Variants in MTRF1L observed in about 807,000 individuals in gnomAD.
The protein encoded by MTRF1L is peptide chain release factor 1-like, mitochondrial.
A neutral mutation model predicts 40.0 loss-of-function variants in MTRF1L; 29 were observed. That is an observed-to-expected ratio of 0.73 (90% confidence interval 0.54 to 0.99). MTRF1L has a LOEUF of 0.99. Among genes scored for constraint, MTRF1L ranks in the 50% least tolerant of loss-of-function variants. MTRF1L has a pLI of 0.00. For synonymous variants in MTRF1L, 150 were observed against 175.8 expected (o/e 0.85, Z 1.16); for missense variants, 412 against 464.5 (o/e 0.89, Z 1.04).
At chr6:152,994,460 G>A (rs191229290) in intron 4 of MTRF1L, 53 bp downstream of exon 4, 1 of 1,502,216 alleles carries the variant, frequency 6.7e-7, no homozygotes. Flanking sequence ...TAACTCTGGG[G>A]ACAAGGCACT....
chr6:153,002,554 C>A lies in MTRF1L; in HGVS notation c.132G>T (p.Arg44=), dbSNP rs781420960. The change falls in exon 1 of 7, where the codon CGG becomes CGT. Residue 44 remains arginine, a synonymous_variant. Coordinates refer to ENST00000367233, the MANE Select transcript of MTRF1L (RefSeq NM_019041.7). ...EELFTRGGPL[R]TFLERQAGSE... The stretch of plus-strand genomic sequence containing the variant: ...ACCCCGCCTGGCGCTCGAGGAAGGT[C>A]CGCAAGGGCCCGCCCCGGGTGAACA... 1.9e-6 allele frequency: 3 copies of A among 1,584,262 alleles called. No homozygotes were observed. The highest frequency in any genetic ancestry group is 2.6e-6 in the Non-Finnish European group (3 of 1,166,784).
intron 1 of MTRF1L, among the ~76,000 whole-genome samples, chr6:152,999,285 AAGG>A (rs56993703): frequency 0.47 from 71,901 of 151,516 alleles, 17,132 homozygotes; most frequent in Middle Eastern, 0.52. Flanking sequence ...AGCATATATA[AAGG>A]AGGAGGAAAG....
rs773935126 is a variant in MTRF1L at position 152,994,695 on chromosome 6, T to C, written c.524-19A>G. On this transcript the variant is annotated intron_variant, in intron 3 of 6. Transcript: ENST00000367233. Reference sequence around the variant, plus strand: ...AGGCCACCTTGAAAATACAGGGAAATAGAATTATTTTTATTATTCCTGCCA... The same window carrying C: ...AGGCCACCTTGAAAATACAGGGAAACAGAATTATTTTTATTATTCCTGCCA... The C allele has an allele frequency of 3.1e-6, 5 of 1,613,548 alleles. No homozygotes were observed. The highest frequency in any genetic ancestry group is 2.2e-5 in the East Asian group (1 of 44,884).
At chr6:152,993,041 C>A (rs898938351) in intron 4 of MTRF1L, 67 bp from the exon 5 acceptor site, 1 of 1,172,700 alleles carries the variant, frequency 8.5e-7, no homozygotes, top group Non-Finnish European at 1.3e-6. Flanking sequence ...CAAGAGCGAC[C>A]CATTTATGAA....
At chr6:152,990,886 T>G (rs1224910316) in intron 6 of MTRF1L, among the ~76,000 whole-genome samples, 1 of 152,122 alleles carries the variant, frequency 6.6e-6, no homozygotes, top group Non-Finnish European at 1.5e-5. Flanking sequence ...GAAAGCCAAG[T>G]TGAGTTTGCT....
At chr6:152,994,442 C>G (rs2129098925) in intron 4 of MTRF1L, 71 bp downstream of exon 4, 1 of 1,438,394 alleles carries the variant, frequency 7.0e-7, no homozygotes, top group Non-Finnish European at 9.3e-7. Flanking sequence ...TCAGTAAACT[C>G]TGAATGTTAA....
chr6:153,002,276 C>T, intron 1 of MTRF1L, 151 bp downstream of exon 1: 2 of 1,197,276 alleles, frequency 1.7e-6, no homozygotes, highest in East Asian at 2.5e-5. Context: ...GATGGGATCA[C>T]AGCACGTAAT....
At position 152,998,850 on chromosome 6, in the gene MTRF1L, ATT is replaced by A. The variant is rs1170627570; in HGVS notation, c.260-223_260-222del. On this transcript the variant is annotated intron_variant, in intron 1 of 6. Coordinates refer to ENST00000367233, the MANE Select transcript of MTRF1L (RefSeq NM_019041.7). ...GTTTTCATAAGCATGTAAGTATAAA[ATT>A]TTTTTTCTGATAAAGTACAAGTACA... The A allele has an allele frequency of 2.8e-5, 8 of 284,056 alleles. No homozygotes were observed. In the East Asian group the frequency reaches 4.5e-4, roughly 16 times the overall value. The allele number at this position is 284,056 out of a possible 1,614,324, so 17.6% of individuals were successfully genotyped here. A position where few individuals can be genotyped will look rare whatever the true frequency, so the allele number is the denominator to read the frequency against.
chr6:152,998,975 C>G (rs549884046), intron 1 of MTRF1L, among the ~76,000 whole-genome samples: 1 of 152,212 alleles, frequency 6.6e-6, no homozygotes, highest in East Asian at 1.9e-4. Context: ...CCAACTTAGA[C>G]TGTATAATAA....
At chr6:152,991,077 T>C (rs1778493836) in intron 6 of MTRF1L, 108 bp downstream of exon 6, 2 of 702,454 alleles carry the variant, frequency 2.8e-6, no homozygotes, top group Admixed American at 7.0e-5. Flanking sequence ...TTGAATTGTT[T>C]TCAACACAGG....
chr6:152,997,416 G>A (rs1778750931), intron 2 of MTRF1L, among the ~76,000 whole-genome samples: 1 of 152,192 alleles, frequency 6.6e-6, no homozygotes, highest in African/African-American at 2.4e-5. Context: ...GGCAAGAGCA[G>A]AGCTTTCAAT....
chr6:152,988,554 G>T lies in MTRF1L; in HGVS notation c.*1341C>A. 2.4e-5 allele frequency: 1 copy of T among 42,292 alleles called. No individual in the cohort carries two copies. Among genetic ancestry groups the T allele is most frequent in the South Asian group, 9.5e-4 (1 of 1,052 alleles). 2.6% of individuals were successfully genotyped at this position (42,292 alleles called of 1,614,324 possible). ...TTTTTTGAGATTTAACTTTTGCTCT[G>T]ATTTTCCAATTATAAGGTCAAACAT... On this transcript the variant is annotated 3_prime_UTR_variant, in exon 7 of 7. Coordinates refer to ENST00000367233, the MANE Select transcript of MTRF1L (RefSeq NM_019041.7).
At position 152,995,281 on chromosome 6, in the gene MTRF1L, T is replaced by A. The variant is rs764421711; in HGVS notation, c.378A>T (p.Glu126Asp). The A allele has an allele frequency of 5.6e-6, 9 of 1,602,634 alleles. No homozygotes were observed. In the Admixed American group the frequency reaches 1.5e-4, roughly 28 times the overall value. The change falls in exon 3 of 7, where the codon GAA (glutamate) becomes GAT (aspartate). Residue 126 changes from glutamate to aspartate, a missense_variant. Physicochemically the swap from Glu to Asp is conservative, Grantham distance 45. Transcript: ENST00000367233. Reference protein sequence around the residue: ...LLLVPSEETDENDLILEVTAG... With the variant: ...LLLVPSEETDDNDLILEVTAG... ...CAGTTACTTCCAGGATCAAATCATT[T>A]TCATCTGTTTCTTCTGAGGGAACCA...
chr6:153,002,254 C>T (rs1778945020), intron 1 of MTRF1L, among the ~76,000 whole-genome samples, 173 bp downstream of exon 1: 1 of 152,192 alleles, frequency 6.6e-6, no homozygotes, highest in Non-Finnish European at 1.5e-5. Context: ...CACAAGAGAG[C>T]CCACAGGAGA....
Position 152,998,581 on chromosome 6 carries a change from C to A in MTRF1L, c.308G>T (p.Cys103Phe), listed in dbSNP as rs763633163. 1.3e-6 allele frequency: 2 copies of A among 1,597,170 alleles called. No homozygotes were observed. The highest frequency in any genetic ancestry group is 1.7e-6 in the Non-Finnish European group (2 of 1,173,922). ...RKLAENEITL[C>F]QKEITQLKHQ... ...CTTCAGCTGAGTTATTTCTTTTTGA[C>A]ACAAAGTGATTTCATTCTCTGCAAG... The change falls in exon 2 of 7, where the codon TGT becomes TTT. Residue 103 changes from cysteine (C) to phenylalanine (F), a missense_variant. Coordinates refer to ENST00000367233, the MANE Select transcript of MTRF1L (RefSeq NM_019041.7).
intron 1 of MTRF1L, 27 bp downstream of exon 1, chr6:153,002,400 C>A (rs761167905): frequency 8.7e-6 from 14 of 1,613,896 alleles, no homozygotes; most frequent in Non-Finnish European, 1.2e-5. Context: ...TGTGCTCTGA[C>A]GCCTCTCCCC....
chr6:152,999,229 C>T (rs1431263146), intron 1 of MTRF1L, among the ~76,000 whole-genome samples: 1 of 151,866 alleles, frequency 6.6e-6, no homozygotes, highest in Non-Finnish European at 1.5e-5. Context: ...TCATTTTTAC[C>T]TTATAAAACA....
intron 5 of MTRF1L, 52 bp from the exon 6 acceptor site, chr6:152,991,373 T>A: frequency 2.0e-6 from 3 of 1,495,130 alleles, no homozygotes; most frequent in Non-Finnish European, 2.7e-6. Flanking sequence ...TCTTCTTTAC[T>A]TATTATCAAG....
In MTRF1L at chr6:152,993,716, T is replaced by C. The variant is rs188406415; in HGVS notation, c.688-742A>G. On this transcript the variant is annotated intron_variant, in intron 4 of 6. Transcript: ENST00000367233. ...TTTCCTGAAAACTTCCACCCCAAGATGGTTAAACATAAGTGACTAGGTTTC... is the reference window on the plus strand; with the variant it reads ...TTTCCTGAAAACTTCCACCCCAAGACGGTTAAACATAAGTGACTAGGTTTC... Among the ~76,000 whole-genome samples, 179 of 152,308 alleles carry C rather than the reference T, an allele frequency of 1.2e-3. 2 individuals are homozygous for C. The highest frequency in any genetic ancestry group is 4.2e-3 in the African/African-American group (175 of 41,570).
Sources: gnomAD v4.1 joint callset for allele counts (sites outside exome capture counted in the v4.1 genomes callset) on GRCh38, gnomAD v4.1.1 for gene constraint, MANE v1.5 for transcripts, NCBI Gene and HGNC (gene_info 2026-07-23, HGNC 2026-07-21) for gene names.